Variants in SLC24A3 observed in about 807,000 individuals in gnomAD.
SLC24A3 encodes the protein sodium/potassium/calcium exchanger 3.
SLC24A3 carries 28 observed loss-of-function variants against 75.8 expected under a neutral mutation model. The observed-to-expected ratio is 0.37, with a 90% confidence interval of 0.27 to 0.51. SLC24A3 has a LOEUF of 0.51. Among genes scored for constraint, SLC24A3 ranks in the 20% least tolerant of loss-of-function variants. The pLI, the probability that SLC24A3 is intolerant of heterozygous loss-of-function variation, is 0.94. For missense variants in SLC24A3, 663 were observed against 847.8 expected, an observed-to-expected ratio of 0.78 and a Z score of 2.71; for synonymous variants, 372 against 334.1, an observed-to-expected ratio of 1.11 and a Z score of -1.24.
intron 2 of SLC24A3, among the ~76,000 whole-genome samples, chr20:19,452,291 G>C (rs1987496538): frequency 6.6e-6 from 1 of 152,058 alleles, no homozygotes; most frequent in Non-Finnish European, 1.5e-5. Context: ...GCTCCGAGCA[G>C]TATTTCTGTC....
intron 6 of SLC24A3, among the ~76,000 whole-genome samples, chr20:19,602,310 G>A (rs1339597633): frequency 6.6e-6 from 1 of 151,790 alleles, no homozygotes; most frequent in African/African-American, 2.4e-5. Flanking sequence ...TACTATCATT[G>A]TCCCCATTTT....
In SLC24A3 at chr20:19,650,415, C is replaced by T. The variant is rs557871317; in HGVS notation, c.613-3647C>T. On this transcript the variant is annotated intron_variant, in intron 6 of 16. Transcript: ENST00000328041. ...ATGGGCACAGAGCTTAAAGACGCAACCCACTCTAGAAAGCTTATTATGGAA... is the reference window on the plus strand; with the variant it reads ...ATGGGCACAGAGCTTAAAGACGCAATCCACTCTAGAAAGCTTATTATGGAA... Among the ~76,000 whole-genome samples the T allele has an allele frequency of 9.2e-5, 14 of 152,268 alleles. 1 individual carries two copies. In the East Asian group the frequency reaches 1.7e-3, roughly 19 times the overall value.
intron 2 of SLC24A3, among the ~76,000 whole-genome samples, chr20:19,354,591 T>A (rs902668270): frequency 8.4e-6 from 1 of 119,136 alleles, no homozygotes; most frequent in African/African-American, 4.4e-5. Flanking sequence ...TTTGTGTATG[T>A]GTGTGTGTGT....
At chr20:19,431,847 G>A (rs1473982000) in intron 2 of SLC24A3, among the ~76,000 whole-genome samples, 2 of 151,918 alleles carry the variant, frequency 1.3e-5, no homozygotes, top group Non-Finnish European at 2.9e-5. Flanking sequence ...TATCAGCACC[G>A]AGAAATGTCA....
chr20:19,623,028 C>A (rs1432773731), intron 6 of SLC24A3, among the ~76,000 whole-genome samples: 1 of 152,184 alleles, frequency 6.6e-6, no homozygotes, highest in Non-Finnish European at 1.5e-5. Flanking sequence ...ACCCAAACAC[C>A]TCCCACTTGG....
chr20:19,296,810 G>T (rs115476412), intron 2 of SLC24A3, among the ~76,000 whole-genome samples: 1 of 152,120 alleles, frequency 6.6e-6, no homozygotes, highest in African/African-American at 2.4e-5. Context: ...TTGGAGCCAC[G>T]TGGCACTTAC....
At chr20:19,366,523 A>G (rs769535794) in intron 2 of SLC24A3, among the ~76,000 whole-genome samples, 7 of 152,144 alleles carry the variant, frequency 4.6e-5, no homozygotes, top group East Asian at 1.9e-4. Flanking sequence ...ATCTATCCCT[A>G]ATGACCAGCC....
intron 2 of SLC24A3, among the ~76,000 whole-genome samples, chr20:19,430,108 C>G (rs1275919036): frequency 2.0e-5 from 3 of 152,048 alleles, no homozygotes; most frequent in African/African-American, 7.2e-5. Context: ...TTCCCCAGCC[C>G]CCGACCCCAC....
chr20:19,461,351 A>T (rs1987667505), intron 2 of SLC24A3, among the ~76,000 whole-genome samples: 2 of 152,170 alleles, frequency 1.3e-5, no homozygotes, highest in African/African-American at 4.8e-5. Context: ...AAAGAAAAAT[A>T]TATATATACA....
At chr20:19,510,962 G>T (rs1988526681) in intron 2 of SLC24A3, among the ~76,000 whole-genome samples, 1 of 152,190 alleles carries the variant, frequency 6.6e-6, no homozygotes, top group Non-Finnish European at 1.5e-5. Flanking sequence ...TGCTTGGCTT[G>T]GCCAGTGCAG....
intron 2 of SLC24A3, among the ~76,000 whole-genome samples, chr20:19,421,987 G>A (rs1986925869): frequency 6.6e-6 from 1 of 152,130 alleles, no homozygotes. Context: ...GGGAGATTGT[G>A]AGGAACACGC....
At chr20:19,697,062 A>T in intron 14 of SLC24A3, 151 bp downstream of exon 14, 1 of 635,652 alleles carries the variant, frequency 1.6e-6, no homozygotes, top group Non-Finnish European at 2.7e-6. Context: ...AGTGAAGGAA[A>T]GAAGGAAGGA....
At chr20:19,490,266 G>T (rs1225616995) in intron 2 of SLC24A3, among the ~76,000 whole-genome samples, 2 of 152,042 alleles carry the variant, frequency 1.3e-5, no homozygotes, top group Middle Eastern at 3.2e-3. Context: ...GGCCCCTAGG[G>T]AATTGAAAAA....
At chr20:19,272,009 A>G (rs1454036051) in intron 1 of SLC24A3, among the ~76,000 whole-genome samples, 2 of 152,266 alleles carry the variant, frequency 1.3e-5, no homozygotes, top group Non-Finnish European at 2.9e-5. Context: ...CTGTTGGCAG[A>G]TACGGGAGAA....
intron 1 of SLC24A3, among the ~76,000 whole-genome samples, chr20:19,261,168 A>G (rs1420299701): frequency 1.3e-5 from 2 of 152,302 alleles, no homozygotes; most frequent in Middle Eastern, 3.4e-3. Flanking sequence ...AATTTATTCC[A>G]GAGACTCCTC....
intron 2 of SLC24A3, among the ~76,000 whole-genome samples, chr20:19,301,228 A>C (rs1984188919): frequency 6.6e-6 from 1 of 152,192 alleles, no homozygotes; most frequent in African/African-American, 2.4e-5. Flanking sequence ...AGAAATGTGA[A>C]AATGCATGTG....
chr20:19,239,116 A>AT lies in SLC24A3; in HGVS notation c.142+26136dup, dbSNP rs201457716. On this transcript the variant is annotated intron_variant, in intron 1 of 16. Coordinates refer to ENST00000328041, the MANE Select transcript of SLC24A3 (RefSeq NM_020689.4). Reference sequence around the variant, plus strand: ...CACTGGAGCTCTTTGAGAAAAGCTTATTTTAAAAAAAAAAAAAAAAAACAA... The same window carrying AT: ...CACTGGAGCTCTTTGAGAAAAGCTTATTTTTAAAAAAAAAAAAAAAAAACAA... Among the ~76,000 whole-genome samples the AT allele has an allele frequency of 2.1e-3, 220 of 105,850 alleles. 1 individual carries two copies. Among genetic ancestry groups the AT allele is most frequent in the African/African-American group, 6.7e-3 (203 of 30,154 alleles). 69.4% of individuals were successfully genotyped at this position (105,850 alleles called of 152,430 possible).
At chr20:19,317,598 C>T (rs573022375) in intron 2 of SLC24A3, among the ~76,000 whole-genome samples, 3 of 152,300 alleles carry the variant, frequency 2.0e-5, no homozygotes, top group East Asian at 1.9e-4. Flanking sequence ...TCCCATCCCC[C>T]GCCCCAGGAC....
rs1196314313 is a variant in SLC24A3, at chr20:19,454,129, A to C, written c.272-61359A>C. Among the ~76,000 whole-genome samples, 5 of 152,152 alleles carry C rather than the reference A, an allele frequency of 3.3e-5. No individual in the cohort carries two copies. In the East Asian group the frequency reaches 9.6e-4, roughly 29 times the overall value. ...GCAGTGCTCAGAGCCAGTGATTTAGAGGCGGGTCTGATGTAATTGAATATT... is the reference window on the plus strand; with the variant it reads ...GCAGTGCTCAGAGCCAGTGATTTAGCGGCGGGTCTGATGTAATTGAATATT... On this transcript the variant is annotated intron_variant, in intron 2 of 16. Coordinates refer to ENST00000328041, the MANE Select transcript of SLC24A3 (RefSeq NM_020689.4).
Sources: allele counts gnomAD v4.1 joint callset (sites outside exome capture counted in the v4.1 genomes callset), GRCh38; gene constraint gnomAD v4.1.1; transcripts MANE v1.5; gene names NCBI Gene and HGNC (gene_info 2026-07-23, HGNC 2026-07-21).